The following DIO2 variants were observed in gnomAD, a reference collection of about 807,000 sequenced individuals.
The protein encoded by DIO2 is type II iodothyronine deiodinase.
DIO2 carries 19 observed loss-of-function variants against 21.4 expected under a neutral mutation model. That is an observed-to-expected ratio of 0.89 (90% CI 0.62 to 1.30). The LOEUF (loss-of-function observed/expected upper bound fraction) is 1.30. Among genes scored for constraint, DIO2 ranks in the 50% most tolerant of loss-of-function variants. The probability of loss-of-function intolerance (pLI) is 0.00; values close to 1 mark genes in which losing one functional copy is unlikely to be tolerated. For missense variants in DIO2, 302 were observed against 338.1 expected (o/e 0.89, Z 0.84); for synonymous variants, 122 against 132.9 (o/e 0.92, Z 0.57).
chr14:80,213,680 A>G (rs982267512), upstream of DIO2, among the ~76,000 whole-genome samples: 2 of 151,966 alleles, frequency 1.3e-5, no homozygotes, highest in Non-Finnish European at 1.5e-5. Flanking sequence ...ATGAATGAAC[A>G]GGGCATGTAG....
upstream of DIO2, among the ~76,000 whole-genome samples, chr14:80,215,048 G>C (rs776894117): frequency 1.3e-5 from 2 of 152,126 alleles, no homozygotes; most frequent in Admixed American, 6.5e-5. Context: ...CCCGACTCAG[G>C]CTCCTTGTTT....
At position 80,211,315 on chromosome 14, in the gene DIO2, C is replaced by T. The variant is rs1306113696; in HGVS notation, c.158G>A (p.Arg53His). The T allele has an allele frequency of 1.2e-6, 2 of 1,613,262 alleles. No homozygotes were observed. Among genetic ancestry groups the T allele is most frequent in the Non-Finnish European group, 1.7e-6 (2 of 1,179,812 alleles). ...GCGCAGTCCCTCTGAGGTCAGCATG[C>T]GCCGCCACTCTCCGCGAGTGGACTT... ...RSKSTRGEWRRMLTSEGLRCV... is the reference protein window; with the variant it reads ...RSKSTRGEWRHMLTSEGLRCV... Residue 53 changes from arginine to histidine, a missense_variant, in exon 1 of 2, where the codon CGC becomes CAC. By Grantham distance (29) the Arg-to-His change is conservative. Transcript: ENST00000438257.
chr14:80,212,681 T>C (rs1888254041), upstream of DIO2, among the ~76,000 whole-genome samples: 2 of 152,186 alleles, frequency 1.3e-5, no homozygotes, highest in Admixed American at 6.5e-5. Context: ...ATCTGTGACC[T>C]AGGTCCTTTA....
intron 2 of DIO2, among the ~76,000 whole-genome samples, chr14:80,222,802 T>C (rs1427811610): frequency 6.6e-6 from 1 of 152,094 alleles, no homozygotes; most frequent in Non-Finnish European, 1.5e-5. Flanking sequence ...TTGAACTATA[T>C]ATGGTTATTT....
upstream of DIO2, among the ~76,000 whole-genome samples, chr14:80,215,544 T>C (rs925058253): frequency 1.3e-5 from 2 of 152,364 alleles, no homozygotes; most frequent in African/African-American, 2.4e-5. Context: ...CCATGGACTT[T>C]CAAGCTGCCT....
intron 1 of DIO2, among the ~76,000 whole-genome samples, chr14:80,204,893 A>G (rs1007446798): frequency 6.6e-6 from 1 of 152,198 alleles, no homozygotes; most frequent in Non-Finnish European, 1.5e-5. Context: ...GTTTGAAATA[A>G]GCATTATTAG....
chr14:80,203,392 A>C, intron 1 of DIO2, 104 bp from the exon 2 acceptor site: 1 of 1,329,628 alleles, frequency 7.5e-7, no homozygotes, highest in Non-Finnish European at 1.0e-6. Flanking sequence ...ATTGGCTCTA[A>C]TAGAGTGTGG....
rs769802439 is a variant in DIO2 at position 80,211,386 on chromosome 14, G to A, written c.87C>T (p.Asp29=). The A allele has an allele frequency of 3.7e-6, 6 of 1,613,634 alleles. No individual in the cohort carries two copies. Among genetic ancestry groups the A allele is most frequent in the Middle Eastern group, 3.3e-4 (2 of 6,084 alleles). The change falls in exon 1 of 2, where the codon GAC becomes GAT. Residue 29 remains aspartate, a synonymous_variant. Transcript: ENST00000438257. ...FSNCLFLALY[D]SVILLKHVVL... ...CCACGTGCTTGAGCAGAATGACCGA[G>A]TCATAGAGAGCCAGGAAGAGGCAGT... is the stretch of plus-strand genomic sequence containing the variant.
intron 2 of DIO2, chr14:80,230,776 A>G (rs1040786923): frequency 2.0e-5 from 3 of 152,216 alleles, no homozygotes; most frequent in African/African-American, 7.2e-5. Context: ...AAAGCAATGA[A>G]AGAACTTCAT....
chr14:80,213,699 T>G (rs1888282544), upstream of DIO2, among the ~76,000 whole-genome samples: 1 of 152,006 alleles, frequency 6.6e-6, no homozygotes, highest in African/African-American at 2.4e-5. Flanking sequence ...AGAGGGCCTC[T>G]GCATTGCTCT....
At chr14:80,213,795 T>G (rs947390177), upstream of DIO2, among the ~76,000 whole-genome samples, 1 of 152,186 alleles carries the variant, frequency 6.6e-6, no homozygotes, top group Non-Finnish European at 1.5e-5. Context: ...TGCAATGCCC[T>G]CTCTTGTGAC....
intron 2 of DIO2, among the ~76,000 whole-genome samples, chr14:80,221,306 A>C (rs1453605626): frequency 2.6e-5 from 4 of 152,172 alleles, no homozygotes; most frequent in Admixed American, 2.6e-4. Context: ...ATCATCTGTC[A>C]AGCTACTAAG....
In DIO2 at chr14:80,199,556, G is replaced by T. The variant is rs1193874230; in HGVS notation, c.*3133C>A. On this transcript the variant is annotated 3_prime_UTR_variant, in exon 2 of 2. Transcript: ENST00000438257. Reference sequence around the variant, plus strand: ...GAAACATTTCTACATTACTGTGCGGGCATCTCCATTCATGCCCATTCAAGA... The same window carrying T: ...GAAACATTTCTACATTACTGTGCGGTCATCTCCATTCATGCCCATTCAAGA... The T allele has an allele frequency of 6.6e-6, 1 of 152,262 alleles. No homozygotes were observed. Among genetic ancestry groups the T allele is most frequent in the Non-Finnish European group, 1.5e-5 (1 of 68,012 alleles). 9.4% of individuals were successfully genotyped at this position (152,262 alleles called of 1,614,324 possible).
intron 2 of DIO2, among the ~76,000 whole-genome samples, chr14:80,227,435 A>G (rs1306117307): frequency 6.6e-6 from 1 of 152,234 alleles, no homozygotes; most frequent in Non-Finnish European, 1.5e-5. Context: ...TAGATGGGTC[A>G]GAAAGCATCC....
intron 2 of DIO2, among the ~76,000 whole-genome samples, chr14:80,217,218 T>G (rs147742289): frequency 1.3e-3 from 199 of 152,322 alleles, no homozygotes; most frequent in African/African-American, 4.6e-3. Context: ...ATGAGGATGA[T>G]TGTATAATGA....
At chr14:80,204,089 T>C (rs1253346702) in intron 1 of DIO2, among the ~76,000 whole-genome samples, 1 of 152,170 alleles carries the variant, frequency 6.6e-6, no homozygotes, top group Non-Finnish European at 1.5e-5. Flanking sequence ...TTTTTGTTTT[T>C]TTAAATGCCC....
chr14:80,221,286 CTCTT>C lies in DIO2; in HGVS notation c.-277-4553_-277-4550del, dbSNP rs556142978. On this transcript the variant is annotated intron_variant, in intron 2 of 4. Coordinates refer to the DIO2 transcript ENST00000553594. ...TCTCTTATATCTACCTTTTTGCTCT[CTCTT>C]TGACAATCATCTGTCAAGCTACTAA... Among the ~76,000 whole-genome samples, 160 of 152,232 alleles carry C rather than the reference CTCTT, an allele frequency of 1.1e-3. 1 individual carries two copies. The highest frequency in any genetic ancestry group is 3.7e-3 in the African/African-American group (155 of 41,554).
chr14:80,198,899 C>G lies in DIO2; in HGVS notation c.*3790G>C, dbSNP rs751013100. The G allele has an allele frequency of 6.6e-6, 1 of 152,010 alleles. No individual in the cohort carries two copies. Among genetic ancestry groups the G allele is most frequent in the Non-Finnish European group, 1.5e-5 (1 of 68,026 alleles). The allele number at this position is 152,010 out of a possible 1,614,324, so 9.4% of individuals were successfully genotyped here. On this transcript the variant is annotated 3_prime_UTR_variant, in exon 2 of 2. Transcript: ENST00000438257. ...CTAGTAAAGGTTTTCATTAATCCTT[C>G]AGTGGGACGGAAGTCAGAGTCTACA...
At chr14:80,226,498 C>G (rs1441583702) in intron 2 of DIO2, among the ~76,000 whole-genome samples, 1 of 152,176 alleles carries the variant, frequency 6.6e-6, no homozygotes, top group Non-Finnish European at 1.5e-5. Context: ...CCAGTGAGGA[C>G]AAACCTGTGC....
Sources: gnomAD v4.1 joint callset for allele counts (sites outside exome capture counted in the v4.1 genomes callset) on GRCh38, gnomAD v4.1.1 for gene constraint, MANE v1.5 for transcripts, NCBI Gene and HGNC (gene_info 2026-07-23, HGNC 2026-07-21) for gene names.